Variants in EVC2 observed in about 807,000 individuals in gnomAD.
EVC2 encodes the protein limbin.
A neutral mutation model predicts 149.3 loss-of-function variants in EVC2; 148 were observed. That is an observed-to-expected ratio of 0.99 (90% CI 0.87 to 1.14). The LOEUF (loss-of-function observed/expected upper bound fraction) is 1.14. EVC2 is among the 50% of genes most tolerant of loss of function. The probability of loss-of-function intolerance (pLI) is 0.00; values close to 1 mark genes in which losing one functional copy is unlikely to be tolerated. For synonymous variants in EVC2, 776 were observed against 649.9 expected (o/e 1.19, Z -2.95); for missense variants, 1,854 against 1,627.3 (o/e 1.14, Z -2.40).
intron 9 of EVC2, among the ~76,000 whole-genome samples, chr4:5,650,638 T>TATAGAGAGAGAGAG (rs1162935817): frequency 2.9e-4 from 13 of 45,096 alleles, no homozygotes; most frequent in Non-Finnish European, 4.0e-4. Flanking sequence ...TATATATATA[T>TATAGAGAGAGAGAG]AGAGAGAGAG....
intron 17 of EVC2, among the ~76,000 whole-genome samples, chr4:5,579,163 G>A (rs934741712): frequency 6.6e-6 from 1 of 152,098 alleles, no homozygotes; most frequent in Non-Finnish European, 1.5e-5. Context: ...ACCGTGCAGG[G>A]GGGTAACTAG....
At chr4:5,691,510 T>C (rs992607906) in intron 3 of EVC2, among the ~76,000 whole-genome samples, 177 bp from the exon 4 acceptor site, 1 of 152,230 alleles carries the variant, frequency 6.6e-6, no homozygotes, top group Admixed American at 6.5e-5. Context: ...AAATTAAAAC[T>C]TATGGAAAGA....
At chr4:5,707,345 G>A (rs774963173) in intron 1 of EVC2, among the ~76,000 whole-genome samples, 2 of 152,144 alleles carry the variant, frequency 1.3e-5, no homozygotes, top group Non-Finnish European at 2.9e-5. Context: ...CAAGTGTCCT[G>A]GGGTAGAGAA....
intron 7 of EVC2, among the ~76,000 whole-genome samples, chr4:5,669,049 T>C (rs1040975675): frequency 2.6e-5 from 4 of 152,176 alleles, no homozygotes; most frequent in Non-Finnish European, 4.4e-5. Context: ...TACTGAGTGA[T>C]GCAGCTATAA....
At chr4:5,603,720 G>T (rs1714174651) in intron 16 of EVC2, among the ~76,000 whole-genome samples, 1 of 152,186 alleles carries the variant, frequency 6.6e-6, no homozygotes, top group South Asian at 2.1e-4. Flanking sequence ...AATGAATAGT[G>T]GATGGGTGAA....
At chr4:5,546,420 A>G (rs1721624724) in intron 21 of EVC2, among the ~76,000 whole-genome samples, 2 of 152,202 alleles carry the variant, frequency 1.3e-5, no homozygotes, top group Non-Finnish European at 1.5e-5. Context: ...TTGTAGGGAC[A>G]TGGATGAAAC....
intron 1 of EVC2, among the ~76,000 whole-genome samples, chr4:5,702,795 C>T (rs1336265295): frequency 6.6e-6 from 1 of 152,166 alleles, no homozygotes; most frequent in Non-Finnish European, 1.5e-5. Flanking sequence ...ACAGCAAGTG[C>T]TTTGGGTTAG....
intron 10 of EVC2, among the ~76,000 whole-genome samples, chr4:5,639,763 G>A (rs933043904): frequency 5.9e-5 from 9 of 152,226 alleles, no homozygotes; most frequent in Non-Finnish European, 2.9e-5. Context: ...GCCCTCTACA[G>A]ACGTGCTCTG....
At chr4:5,565,417 T>C (rs1014200168) in intron 20 of EVC2, 58 bp from the exon 21 acceptor site, 1 of 1,540,774 alleles carries the variant, frequency 6.5e-7, no homozygotes, top group African/African-American at 1.4e-5. Flanking sequence ...CCCACTGTAA[T>C]CCCAGCACTT....
At chr4:5,705,755 G>C (rs1208244589) in intron 1 of EVC2, among the ~76,000 whole-genome samples, 1 of 152,032 alleles carries the variant, frequency 6.6e-6, no homozygotes, top group Non-Finnish European at 1.5e-5. Context: ...GAGAAAATGA[G>C]TAGAAAAAGT....
rs539534877 is a variant in EVC2 at position 5,591,153 on chromosome 4, G to A, written c.2830-6303C>T. 8.5e-5 allele frequency among the ~76,000 whole-genome samples: 13 copies of A among 152,234 alleles called. No individual in the cohort carries two copies. The South Asian group carries it at 2.1e-3, about 24-fold the overall frequency. ...TCAATGACACTTGTGCATGTTTCTCGTTTCATAAATATTCATGACTCCTCC... is the reference window on the plus strand; with the variant it reads ...TCAATGACACTTGTGCATGTTTCTCATTTCATAAATATTCATGACTCCTCC... On this transcript the variant is annotated intron_variant, in intron 16 of 21. Transcript: ENST00000344408.
chr4:5,576,629 G>T lies in EVC2; in HGVS notation c.3058-175C>A, dbSNP rs1383476916. Among the ~76,000 whole-genome samples the T allele has an allele frequency of 6.6e-6, 1 of 152,120 alleles. No individual in the cohort carries two copies. Among genetic ancestry groups the T allele is most frequent in the South Asian group, 2.1e-4 (1 of 4,826 alleles). On this transcript the variant is annotated intron_variant, in intron 17 of 21. Transcript: ENST00000344408. This position sits in a 1 kb window ranked among gnomAD's most constrained non-coding sequence, Gnocchi z 4.5. ...GAGTGCACCACGATCTCTCACCCCT[G>T]TGTCACCTCCATGCCTCCACATAGG...
chr4:5,595,846 T>A (rs1293748198), intron 16 of EVC2, among the ~76,000 whole-genome samples: 1 of 152,066 alleles, frequency 6.6e-6, no homozygotes, highest in African/African-American at 2.4e-5. Flanking sequence ...GAGACACACA[T>A]AGGCTCAAAA....
At chr4:5,554,032 A>C (rs1174457049) in intron 21 of EVC2, among the ~76,000 whole-genome samples, 3 of 152,210 alleles carry the variant, frequency 2.0e-5, no homozygotes, top group Non-Finnish European at 2.9e-5. Context: ...AAACTGGAGG[A>C]AAAAATAGGA....
At chr4:5,598,811 A>G (rs571854748) in intron 16 of EVC2, among the ~76,000 whole-genome samples, 10 of 152,338 alleles carry the variant, frequency 6.6e-5, no homozygotes, top group South Asian at 4.1e-4. Flanking sequence ...AATTTTTGCA[A>G]CCTACTCATC....
In EVC2 at chr4:5,637,807, CTTT is replaced by C. The variant is rs905076555; in HGVS notation, c.1470+2704_1470+2706del. On this transcript the variant is annotated intron_variant, in intron 10 of 21. Coordinates refer to ENST00000344408, the MANE Select transcript of EVC2 (RefSeq NM_147127.5). This position sits in a 1 kb window ranked among gnomAD's most constrained non-coding sequence, Gnocchi z 4.4. ...ACTGAGTTGTGGGATGGGCTTCTCT[CTTT>C]TTTTTTTTTTTCAGGGCTTTTTCTT... is the stretch of plus-strand genomic sequence containing the variant. Among the ~76,000 whole-genome samples the C allele has an allele frequency of 7.2e-6, 1 of 138,988 alleles. No homozygotes were observed. 91.2% of individuals were successfully genotyped at this position (138,988 alleles called of 152,430 possible).
intron 16 of EVC2, 37 bp from the exon 17 acceptor site, chr4:5,584,887 C>A (rs778291406): frequency 1.9e-6 from 3 of 1,607,830 alleles, no homozygotes; most frequent in African/African-American, 2.7e-5. Context: ...ACCCAGAGAG[C>A]AGTGAGTAGA....
chr4:5,587,170 A>G (rs549109439), intron 16 of EVC2, among the ~76,000 whole-genome samples: 122 of 152,350 alleles, frequency 8.0e-4, no homozygotes, highest in African/African-American at 2.8e-3. Flanking sequence ...ATTAAGTGAC[A>G]TTTAGGATTC....
chr4:5,577,263 A>C (rs1229795374), intron 17 of EVC2, among the ~76,000 whole-genome samples: 1 of 152,234 alleles, frequency 6.6e-6, no homozygotes, highest in African/African-American at 2.4e-5. Context: ...CTTAACCACT[A>C]AGCTACATTG....
Sources: allele counts gnomAD v4.1 joint callset (sites outside exome capture counted in the v4.1 genomes callset), GRCh38; gene constraint gnomAD v4.1.1; non-coding constraint Gnocchi (gnomAD v3.1); transcripts MANE v1.5; gene names NCBI Gene and HGNC (gene_info 2026-07-23, HGNC 2026-07-21).